SYT7: variants seen among roughly 807,000 people sequenced by gnomAD.
The protein encoded by SYT7 is synaptotagmin-7.
SYT7 carries 29 observed loss-of-function variants against 75.1 expected under a neutral mutation model. That is an observed-to-expected ratio of 0.39 (90% CI 0.29 to 0.53). The LOEUF (loss-of-function observed/expected upper bound fraction) is 0.53, where lower values mean the gene tolerates loss of function less well. Among genes scored for constraint, SYT7 ranks in the 20% least tolerant of loss-of-function variants. The pLI is 0.77. For synonymous variants in SYT7, 376 were observed against 401.7 expected, an observed-to-expected ratio of 0.94 and a Z score of 0.76; for missense variants, 693 against 953.2, an observed-to-expected ratio of 0.73 and a Z score of 3.59.
Position 61,556,191 on chromosome 11 carries a change from G to T in SYT7, c.48C>A (p.Asp16Glu). 1.9e-6 allele frequency: 3 copies of T among 1,613,640 alleles called. No homozygotes were observed. The highest frequency in any genetic ancestry group is 2.5e-6 in the Non-Finnish European group (3 of 1,179,842). ...EAASPGAPSRDVLLVSAIITV... is the reference protein window; with the variant it reads ...EAASPGAPSREVLLVSAIITV... ...TGATGATGGCAGAGACCAGCAGGAC[G>T]TCGCGCGAGGGCGCCCCTGGGGAGG... The change falls in exon 2 of 13, where the codon GAC (aspartate) becomes GAA (glutamate). Residue 16 changes from aspartate to glutamate, a missense_variant. Physicochemically the swap from Asp to Glu is conservative, Grantham distance 45 (BLOSUM62 2). Around this residue, in one of 2 missense-constraint regions of SYT7, gnomAD observed 487 missense variants for 593.2 expected, o/e 0.82. Coordinates refer to ENST00000539008, the MANE Select transcript of SYT7 (RefSeq NM_001365809.2).
At chr11:61,550,007 A>G (rs558844890) in intron 3 of SYT7, among the ~76,000 whole-genome samples, 4 of 152,282 alleles carry the variant, frequency 2.6e-5, no homozygotes, top group Middle Eastern at 3.4e-3. Context: ...GAGGAGGCAC[A>G]GGTGCTGGGC....
intron 1 of SYT7, among the ~76,000 whole-genome samples, chr11:61,560,412 G>T (rs1351686853): frequency 6.6e-6 from 1 of 152,152 alleles, no homozygotes; most frequent in Non-Finnish European, 1.5e-5. Context: ...TGGAGAAGGG[G>T]TTGTGTTGCT....
intron 1 of SYT7, among the ~76,000 whole-genome samples, chr11:61,566,806 G>C (rs1156787042): frequency 6.6e-6 from 1 of 152,210 alleles, no homozygotes; most frequent in Non-Finnish European, 1.5e-5. Flanking sequence ...CTGCAAAGAA[G>C]CTGGGGTTGG....
Position 61,542,136 on chromosome 11 carries a change from G to A in SYT7, c.941+75C>T. Reference sequence around the variant, plus strand: ...GGCCGGGAGGTACACACAACCAGCTGCTCCCAAGGAGATCTGGGGGGCAGG... The same window carrying A: ...GGCCGGGAGGTACACACAACCAGCTACTCCCAAGGAGATCTGGGGGGCAGG... On this transcript the variant is annotated intron_variant, in intron 6 of 12. Coordinates refer to ENST00000539008, the MANE Select transcript of SYT7 (RefSeq NM_001365809.2). The surrounding 1 kb of genome is among the most constrained non-coding windows in gnomAD (Gnocchi z 7.8). 1 of 1,476,618 alleles carries A rather than the reference G, an allele frequency of 6.8e-7. No individual in the cohort carries two copies. The highest frequency in any genetic ancestry group is 8.9e-7 in the Non-Finnish European group (1 of 1,118,608). The allele number at this position is 1,476,618 out of a possible 1,614,324, so 91.5% of individuals were successfully genotyped here. A position where few individuals can be genotyped will look rare whatever the true frequency, so the allele number is the denominator to read the frequency against.
At chr11:61,535,143 C>T (rs899724601) in intron 7 of SYT7, among the ~76,000 whole-genome samples, 7 of 152,112 alleles carry the variant, frequency 4.6e-5, no homozygotes, top group African/African-American at 1.7e-4. Flanking sequence ...GGCCGAGGGG[C>T]CCATCACCGG....
chr11:61,533,253 G>A (rs910608339), intron 7 of SYT7, 129 bp from the exon 8 acceptor site: 35 of 1,442,434 alleles, frequency 2.4e-5, no homozygotes, highest in Non-Finnish European at 3.0e-5. Context: ...CGGCAGGAGC[G>A]GTACTCCAGT....
Position 61,553,150 on chromosome 11 carries a change from T to C in SYT7, c.136-1687A>G, listed in dbSNP as rs573343508. On this transcript the variant is annotated intron_variant, in intron 2 of 12. Transcript: ENST00000539008. The surrounding 1 kb of genome is among the most constrained non-coding windows in gnomAD (Gnocchi z 5.2). ...ACCCTGGGTTCACAAAAGCTGCCAC[T>C]CACAGCTCCAACTCCGATCCCTCCC... 6.6e-6 allele frequency among the ~76,000 whole-genome samples: 1 copy of C among 152,288 alleles called. No homozygotes were observed. The highest frequency in any genetic ancestry group is 2.1e-4 in the South Asian group (1 of 4,832).
chr11:61,540,867 C>T (rs534255139), intron 6 of SYT7: 153 of 985,488 alleles, frequency 1.6e-4, no homozygotes, highest in African/African-American at 4.0e-4. Context: ...CAAAACAAAC[C>T]GCCACCTGGA....
Position 61,580,822 on chromosome 11 carries a change from G to T in SYT7, c.-2C>A. On this transcript the variant is annotated 5_prime_UTR_variant, in exon 1 of 13. Transcript: ENST00000539008. This position sits in a 1 kb window ranked among gnomAD's most constrained non-coding sequence, Gnocchi z 6.1. The stretch of plus-strand genomic sequence containing the variant: ...GGCCGCCTCCGGGTCCCGGTACATG[G>T]TCCCCTCGTCGCCGGTTCCCTCCGG... The T allele has an allele frequency of 7.9e-7, 1 of 1,270,500 alleles. No homozygotes were observed. Among genetic ancestry groups the T allele is most frequent in the South Asian group, 2.7e-5 (1 of 37,644 alleles). The allele number at this position is 1,270,500 out of a possible 1,614,324, so 78.7% of individuals were successfully genotyped here.
At chr11:61,540,194 G>A (rs1565181993) in intron 6 of SYT7, 1 of 152,186 alleles carries the variant, frequency 6.6e-6, no homozygotes, top group Non-Finnish European at 1.5e-5. Flanking sequence ...GGGAGAGGCT[G>A]GCAATGTTAG....
Position 61,553,267 on chromosome 11 carries a change from TGGCAGGACCCTCA to T in SYT7, c.136-1817_136-1805del. ...TGCCACAGTGACCTCAGGCCCCCTTTGGCAGGACCCTCAGGCAGGAGCCCCGCCCCACTATTCT... is the reference window on the plus strand; with the variant it reads ...TGCCACAGTGACCTCAGGCCCCCTTTGGCAGGAGCCCCGCCCCACTATTCT... On this transcript the variant is annotated intron_variant, in intron 2 of 12. Coordinates refer to ENST00000539008, the MANE Select transcript of SYT7 (RefSeq NM_001365809.2). This position sits in a 1 kb window ranked among gnomAD's most constrained non-coding sequence, Gnocchi z 5.2. Among the ~76,000 whole-genome samples the T allele has an allele frequency of 6.6e-6, 1 of 152,300 alleles. No individual in the cohort carries two copies. Among genetic ancestry groups the T allele is most frequent in the Non-Finnish European group, 1.5e-5 (1 of 68,008 alleles).
intron 7 of SYT7, 68 bp downstream of exon 7, chr11:61,538,076 G>A (rs924748854): frequency 4.1e-5 from 62 of 1,523,976 alleles, no homozygotes; most frequent in Admixed American, 8.0e-5. Context: ...GGGGCCGGTC[G>A]AGGCAGGCGG....
At chr11:61,567,373 A>G (rs1293806831) in intron 1 of SYT7, among the ~76,000 whole-genome samples, 1 of 150,724 alleles carries the variant, frequency 6.6e-6, no homozygotes, top group Admixed American at 6.6e-5. Flanking sequence ...GTGCTGAAAC[A>G]GCTGTCGGCC....
intron 1 of SYT7, among the ~76,000 whole-genome samples, chr11:61,569,179 T>C (rs2063853302): frequency 6.6e-6 from 1 of 152,120 alleles, no homozygotes; most frequent in Non-Finnish European, 1.5e-5. Context: ...AATGAATTTT[T>C]TTTTCCAGGC....
In SYT7 at chr11:61,546,266, G is replaced by T; in HGVS notation, c.348-11C>A. 7.0e-7 allele frequency: 1 copy of T among 1,425,530 alleles called. No individual in the cohort carries two copies. Among genetic ancestry groups the T allele is most frequent in the Non-Finnish European group, 9.1e-7 (1 of 1,098,584 alleles). 88.3% of individuals were successfully genotyped at this position (1,425,530 alleles called of 1,614,324 possible). A position where few individuals can be genotyped will look rare whatever the true frequency, so the allele number is the denominator to read the frequency against. On this transcript the variant is annotated splice_polypyrimidine_tract_variant and intron_variant, in intron 4 of 12. Transcript: ENST00000539008. The surrounding 1 kb of genome is among the most constrained non-coding windows in gnomAD (Gnocchi z 7.6). Reference sequence around the variant, plus strand: ...GACAGGAGGGTGCCACTGGAGGCATGCACGAGGCAGCCAGGCCAGAGGGGC... The same window carrying T: ...GACAGGAGGGTGCCACTGGAGGCATTCACGAGGCAGCCAGGCCAGAGGGGC...
chr11:61,584,829 C>T (rs550705083), upstream of SYT7, among the ~76,000 whole-genome samples: 179 of 152,364 alleles, frequency 1.2e-3, no homozygotes, highest in African/African-American at 4.2e-3. Context: ...TCTTGTATCT[C>T]ATTGGGGAGG....
At chr11:61,572,158 C>T (rs1396201055) in intron 1 of SYT7, among the ~76,000 whole-genome samples, 1 of 152,134 alleles carries the variant, frequency 6.6e-6, no homozygotes, top group African/African-American at 2.4e-5. Context: ...TCCTCCAGGG[C>T]TGGCAGGTGC....
At chr11:61,535,013 C>A (rs965684092) in intron 7 of SYT7, among the ~76,000 whole-genome samples, 7 of 152,170 alleles carry the variant, frequency 4.6e-5, no homozygotes, top group African/African-American at 1.7e-4. Flanking sequence ...TATTTGGCCA[C>A]GCTGCAGCGT....
rs1171621490 is a variant in SYT7, at chr11:61,515,226, C to CGG, written c.*3399_*3400dup. 1 of 152,252 alleles carries CGG rather than the reference C, an allele frequency of 6.6e-6. No homozygotes were observed. The highest frequency in any genetic ancestry group is 2.4e-5 in the African/African-American group (1 of 41,446). 9.4% of individuals were successfully genotyped at this position (152,252 alleles called of 1,614,324 possible). On this transcript the variant is annotated 3_prime_UTR_variant, in exon 13 of 13. Coordinates refer to ENST00000539008, the MANE Select transcript of SYT7 (RefSeq NM_001365809.2). ...GACACACTGAGGGGAGGCTCAGCCC[C>CGG]GGGGCCCCCATCCCCTTCACCCCAC...
Sources: allele counts gnomAD v4.1 joint callset (sites outside exome capture counted in the v4.1 genomes callset), GRCh38; gene constraint gnomAD v4.1.1; regional missense constraint gnomAD v4.1.1; non-coding constraint Gnocchi (gnomAD v3.1); transcripts MANE v1.5; gene names NCBI Gene and HGNC (gene_info 2026-07-23, HGNC 2026-07-21).